UXS1: variants seen among roughly 807,000 people sequenced by gnomAD.
The protein encoded by UXS1 is UDP-glucuronate decarboxylase 1.
Under a neutral mutation model 62.6 loss-of-function variants are expected in UXS1, and 33 were observed. The ratio of observed to expected loss-of-function variants is 0.53; its 90% confidence interval spans 0.40 to 0.70. UXS1 has a LOEUF of 0.70. Ranked by LOEUF, UXS1 falls within the 30% of genes least tolerant of loss-of-function variation. The probability of loss-of-function intolerance (pLI) is 0.00; values close to 1 mark genes in which losing one functional copy is unlikely to be tolerated. For missense variants in UXS1, 434 were observed against 556.3 expected, an observed-to-expected ratio of 0.78 and a Z score of 2.21; for synonymous variants, 213 against 206.8, an observed-to-expected ratio of 1.03 and a Z score of -0.26.
intron 4 of UXS1, among the ~76,000 whole-genome samples, chr2:106,159,657 T>C (rs1195161214): frequency 1.3e-5 from 2 of 152,238 alleles, no homozygotes; most frequent in Non-Finnish European, 2.9e-5. Flanking sequence ...GTCATTATAC[T>C]AATTGGAAAG....
intron 5 of UXS1, among the ~76,000 whole-genome samples, chr2:106,151,439 C>A (rs888521942): frequency 6.6e-6 from 1 of 152,080 alleles, no homozygotes; most frequent in Non-Finnish European, 1.5e-5. Flanking sequence ...GTCATTATTG[C>A]GGCAGTGGGT....
intron 6 of UXS1, among the ~76,000 whole-genome samples, chr2:106,139,800 CT>C (rs1428352516): frequency 2.6e-5 from 4 of 152,180 alleles, no homozygotes; most frequent in African/African-American, 9.7e-5. Flanking sequence ...AAACTAAAGA[CT>C]ATAGAAACAC....
chr2:106,094,297 T>C (rs932380847), intron 14 of UXS1, 140 bp from the exon 15 acceptor site: 11 of 824,748 alleles, frequency 1.3e-5, no homozygotes, highest in South Asian at 2.1e-5. Flanking sequence ...CACAGAACCA[T>C]GCTTTGGTTG....
intron 9 of UXS1, among the ~76,000 whole-genome samples, chr2:106,120,645 C>T (rs1164188078): frequency 6.6e-6 from 1 of 152,228 alleles, no homozygotes; most frequent in Non-Finnish European, 1.5e-5. Context: ...AAGTGCTGCA[C>T]CTGTCTTCCA....
chr2:106,098,808 T>G lies in UXS1; in HGVS notation c.985-35A>C. On this transcript the variant is annotated intron_variant, in intron 12 of 14. Transcript: ENST00000283148. ...AAACGGTTTCCAGTTATAAGCGTCA[T>G]GACAACAGCAGCAATCCACCACCCA... 6.9e-6 allele frequency: 11 copies of G among 1,593,118 alleles called. 1 individual carries two copies. The highest frequency in any genetic ancestry group is 9.4e-6 in the Non-Finnish European group (11 of 1,165,142).
chr2:106,161,001 T>A (rs1682854769), intron 4 of UXS1, among the ~76,000 whole-genome samples: 1 of 152,144 alleles, frequency 6.6e-6, no homozygotes, highest in African/African-American at 2.4e-5. Flanking sequence ...GGAGAGTGCC[T>A]GTGGGGTCCT....
intron 1 of UXS1, among the ~76,000 whole-genome samples, chr2:106,187,386 G>A (rs763762041): frequency 3.6e-4 from 55 of 152,122 alleles, no homozygotes; most frequent in African/African-American, 1.1e-3. Context: ...GTCCTCTGGC[G>A]TCACAGTGAT....
chr2:106,120,609 C>G (rs1472517095), intron 9 of UXS1, among the ~76,000 whole-genome samples: 1 of 152,198 alleles, frequency 6.6e-6, no homozygotes, highest in African/African-American at 2.4e-5. Flanking sequence ...GGCCAAGAGC[C>G]CAAGTTCCAC....
intron 11 of UXS1, among the ~76,000 whole-genome samples, chr2:106,104,011 GC>G (rs1236439069): frequency 1.3e-5 from 2 of 152,164 alleles, no homozygotes; most frequent in Non-Finnish European, 2.9e-5. Context: ...CCCTGGGATG[GC>G]CCTAAGACAG....
chr2:106,148,413 T>C (rs188081659), intron 5 of UXS1, among the ~76,000 whole-genome samples: 1 of 152,358 alleles, frequency 6.6e-6, no homozygotes, highest in African/African-American at 2.4e-5. Context: ...ACTGTTTCTC[T>C]ATATGCAAAT....
chr2:106,111,604 G>A (rs1678615469), intron 10 of UXS1, among the ~76,000 whole-genome samples: 1 of 152,134 alleles, frequency 6.6e-6, no homozygotes, highest in African/African-American at 2.4e-5. Flanking sequence ...CCTAAGCTTG[G>A]GCAACTCATA....
intron 9 of UXS1, among the ~76,000 whole-genome samples, chr2:106,117,164 G>T (rs556774131): frequency 2.0e-5 from 3 of 152,346 alleles, no homozygotes; most frequent in African/African-American, 7.2e-5. Context: ...CAGTGTGAGT[G>T]AGTACGCCCT....
chr2:106,105,972 A>T (rs1259277255), intron 10 of UXS1, among the ~76,000 whole-genome samples: 2 of 152,164 alleles, frequency 1.3e-5, no homozygotes, highest in African/African-American at 4.8e-5. Flanking sequence ...CTCTGTGAAC[A>T]GCACCAGCCC....
chr2:106,101,432 A>C (rs1400009421), intron 11 of UXS1: 3 of 279,714 alleles, frequency 1.1e-5, no homozygotes, highest in Non-Finnish European at 2.0e-5. Context: ...TTAACAATTA[A>C]AAACTAAGCA....
At chr2:106,165,558 T>C (rs1573548883) in intron 2 of UXS1, among the ~76,000 whole-genome samples, 1 of 152,190 alleles carries the variant, frequency 6.6e-6, no homozygotes, top group East Asian at 1.9e-4. Context: ...AACACGAGTT[T>C]TATTTTTACA....
At chr2:106,190,743 C>CAAA (rs35043298) in intron 1 of UXS1, among the ~76,000 whole-genome samples, 113,180 of 124,790 alleles carry the variant, frequency 0.91, 51,434 homozygotes, top group East Asian at 0.95. Context: ...AACTCTGTAT[C>CAAA]AAAAAAAAAA....
intron 13 of UXS1, 188 bp from the exon 14 acceptor site, chr2:106,097,009 C>G: frequency 1.4e-6 from 1 of 703,694 alleles, no homozygotes. Context: ...GGGAGTGCTC[C>G]TGCAACTGCT....
chr2:106,093,910 C>A lies in UXS1; in HGVS notation c.*116G>T. 2 of 1,331,902 alleles carry A rather than the reference C, an allele frequency of 1.5e-6. No homozygotes were observed. Among genetic ancestry groups the A allele is most frequent in the East Asian group, 5.5e-5 (2 of 36,336 alleles). The allele number at this position is 1,331,902 out of a possible 1,614,324, so 82.5% of individuals were successfully genotyped here. ...TTAAAGCAAGCTTCAGAATGAAATT[C>A]CAGTTTGTTCTTCATGACACCTGTT... On this transcript the variant is annotated 3_prime_UTR_variant, in exon 15 of 15. Transcript: ENST00000283148.
At chr2:106,167,171 T>C (rs1236872863) in intron 1 of UXS1, among the ~76,000 whole-genome samples, 1 of 152,188 alleles carries the variant, frequency 6.6e-6, no homozygotes, top group South Asian at 2.1e-4. Context: ...TACTGGACCA[T>C]GAGCACTCAC....
Sources: gnomAD v4.1 joint callset for allele counts (sites outside exome capture counted in the v4.1 genomes callset) on GRCh38, gnomAD v4.1.1 for gene constraint, MANE v1.5 for transcripts, NCBI Gene and HGNC (gene_info 2026-07-23, HGNC 2026-07-21) for gene names.